The following ADGRB3 variants were observed in gnomAD, a reference collection of about 807,000 sequenced individuals.
The protein encoded by ADGRB3 is brain-specific angiogenesis inhibitor 3.
A neutral mutation model predicts 193.4 loss-of-function variants in ADGRB3; 37 were observed. The observed-to-expected ratio is 0.19, with a 90% CI of 0.15 to 0.25. ADGRB3 has a LOEUF of 0.25. Among genes scored for constraint, ADGRB3 ranks in the 10% least tolerant of loss-of-function variants. ADGRB3 has a pLI of 1.00. For missense variants in ADGRB3, 1,637 were observed against 1,852.9 expected (o/e 0.88, Z 2.14); for synonymous variants, 690 against 644.2 (o/e 1.07, Z -1.08).
intron 3 of ADGRB3, among the ~76,000 whole-genome samples, chr6:68,685,058 A>G (rs1764958855): frequency 6.6e-6 from 1 of 152,198 alleles, no homozygotes; most frequent in African/African-American, 2.4e-5. Context: ...TAAACATTGA[A>G]TATCTCTAAC....
At chr6:68,938,163 A>T (rs1359885604) in intron 5 of ADGRB3, among the ~76,000 whole-genome samples, 1 of 152,088 alleles carries the variant, frequency 6.6e-6, no homozygotes, top group African/African-American at 2.4e-5. Context: ...AACAAGAAAA[A>T]TCAGTGAGGC....
At chr6:69,177,169 G>A (rs1460337631) in intron 17 of ADGRB3, among the ~76,000 whole-genome samples, 4 of 151,790 alleles carry the variant, frequency 2.6e-5, no homozygotes, top group Non-Finnish European at 5.9e-5. Flanking sequence ...CTAGGTTTGG[G>A]GTTAGTTTTT....
intron 3 of ADGRB3, among the ~76,000 whole-genome samples, chr6:68,836,308 A>G (rs770819346): frequency 3.4e-4 from 52 of 151,874 alleles, no homozygotes; most frequent in Admixed American, 1.1e-3. Context: ...GTTACCTGAG[A>G]GATGCATTGG....
chr6:69,295,304 A>G (rs961630989), intron 20 of ADGRB3, among the ~76,000 whole-genome samples: 3 of 152,196 alleles, frequency 2.0e-5, no homozygotes, highest in Admixed American at 6.5e-5. Flanking sequence ...ACTGCCTTCA[A>G]TTGAAAAACC....
At position 69,339,446 on chromosome 6, in the gene ADGRB3, T is replaced by C. The variant is rs1157027419; in HGVS notation, c.3401T>C (p.Val1134Ala). The change falls in exon 26 of 32, where the codon GTG becomes GCG. Residue 1134 changes from valine to alanine, a missense_variant. Val to Ala is a moderately conservative substitution (Grantham distance 64, BLOSUM62 0). This residue lies in a region of ADGRB3 where 116 missense variants were observed against 168.1 expected (regional missense o/e 0.69). Coordinates refer to ENST00000370598, the MANE Select transcript of ADGRB3 (RefSeq NM_001704.3). Reference sequence around the variant, plus strand: ...ATATTGTTTCAAATACTTTTTGCTGTGTTTGATTCATTGCAAGGCTTTGTT... The same window carrying C: ...ATATTGTTTCAAATACTTTTTGCTGCGTTTGATTCATTGCAAGGCTTTGTT... Reference protein sequence around the residue: ...RSILFQILFAVFDSLQGFVIV... With the variant: ...RSILFQILFAAFDSLQGFVIV... 6.2e-7 allele frequency: 1 copy of C among 1,613,956 alleles called. No homozygotes were observed. The highest frequency in any genetic ancestry group is 8.5e-7 in the Non-Finnish European group (1 of 1,179,940).
intron 17 of ADGRB3, among the ~76,000 whole-genome samples, chr6:69,186,178 C>CA (rs70987457): frequency 0.069 from 7,460 of 107,374 alleles, 262 homozygotes; most frequent in East Asian, 0.15. Flanking sequence ...AATGAAATAG[C>CA]AAAAAAAAAA....
intron 10 of ADGRB3, among the ~76,000 whole-genome samples, chr6:68,984,146 G>T (rs1013574784): frequency 2.0e-5 from 3 of 152,116 alleles, no homozygotes; most frequent in Non-Finnish European, 4.4e-5. Flanking sequence ...CAATGGGAAT[G>T]CATTGAGAAG....
chr6:68,835,441 AT>A (rs573682054), intron 3 of ADGRB3, among the ~76,000 whole-genome samples: 107 of 152,230 alleles, frequency 7.0e-4, no homozygotes, highest in Admixed American at 2.0e-3. Flanking sequence ...AATTATGTGT[AT>A]TTTTTTCAAT....
intron 3 of ADGRB3, among the ~76,000 whole-genome samples, chr6:68,725,095 G>A (rs537251970): frequency 2.0e-5 from 3 of 151,802 alleles, no homozygotes; most frequent in Non-Finnish European, 4.4e-5. Flanking sequence ...GTATAGTCTA[G>A]GCGGAAGAGA....
chr6:69,237,250 C>A (rs1766284345), intron 19 of ADGRB3, among the ~76,000 whole-genome samples: 1 of 151,884 alleles, frequency 6.6e-6, no homozygotes, highest in Admixed American at 6.6e-5. Context: ...ACCTTTTATT[C>A]TCAGTAAAAA....
chr6:69,031,043 T>TC lies in ADGRB3; in HGVS notation c.2107+12545dup, dbSNP rs1562128849. ...TTTTTTTTCCTCTTCTCTTCTCTCT[T>TC]CTCTTCTCTTCTCTTCTCTTCTCTT... On this transcript the variant is annotated intron_variant, in intron 13 of 31. Transcript: ENST00000370598. Among the ~76,000 whole-genome samples, 7 of 7,552 alleles carry TC rather than the reference T, an allele frequency of 9.3e-4. 1 individual carries two copies. The highest frequency in any genetic ancestry group is 4.1e-3 in the Admixed American group (2 of 482). 5.0% of individuals were successfully genotyped at this position (7,552 alleles called of 152,430 possible).
At chr6:68,642,891 T>C (rs759260739) in intron 3 of ADGRB3, among the ~76,000 whole-genome samples, 17 of 152,152 alleles carry the variant, frequency 1.1e-4, no homozygotes, top group South Asian at 2.1e-4. Context: ...AACAAAGTCA[T>C]CTTTAATTGT....
At chr6:69,345,954 A>C (rs1769077220) in intron 26 of ADGRB3, among the ~76,000 whole-genome samples, 1 of 152,192 alleles carries the variant, frequency 6.6e-6, no homozygotes, top group Non-Finnish European at 1.5e-5. Flanking sequence ...ATTCCTATAC[A>C]CCAATAATAG....
chr6:69,234,268 C>A (rs769449491), intron 18 of ADGRB3, among the ~76,000 whole-genome samples: 1 of 152,204 alleles, frequency 6.6e-6, no homozygotes, highest in South Asian at 2.1e-4. Flanking sequence ...TAATTAACGT[C>A]ATGTAAGTGT....
intron 3 of ADGRB3, among the ~76,000 whole-genome samples, chr6:68,764,574 C>T (rs1224955773): frequency 6.6e-6 from 1 of 152,148 alleles, no homozygotes; most frequent in Non-Finnish European, 1.5e-5. Flanking sequence ...ACCACAAAAG[C>T]AGCACCAGTA....
intron 17 of ADGRB3, among the ~76,000 whole-genome samples, chr6:69,197,752 G>C (rs1180154095): frequency 2.6e-5 from 4 of 152,006 alleles, no homozygotes; most frequent in African/African-American, 9.7e-5. Context: ...CTTTACTGAG[G>C]TAAGTATAAT....
At chr6:68,890,795 A>G (rs535313815) in intron 3 of ADGRB3, among the ~76,000 whole-genome samples, 10 of 152,324 alleles carry the variant, frequency 6.6e-5, no homozygotes, top group African/African-American at 2.4e-4. Flanking sequence ...GACCTCATAG[A>G]ACATGTAGCA....
chr6:68,719,431 A>C (rs1442686849), intron 3 of ADGRB3, among the ~76,000 whole-genome samples: 1 of 151,826 alleles, frequency 6.6e-6, no homozygotes. Context: ...GACAATGTAG[A>C]TAGGGGCACA....
At chr6:68,847,137 A>G (rs940386304) in intron 3 of ADGRB3, among the ~76,000 whole-genome samples, 5 of 152,062 alleles carry the variant, frequency 3.3e-5, no homozygotes, top group African/African-American at 7.2e-5. Context: ...TATTTTGGCC[A>G]ATTTCTCCCA....
Sources: gnomAD v4.1 joint callset for allele counts (sites outside exome capture counted in the v4.1 genomes callset) on GRCh38, gnomAD v4.1.1 for gene constraint, gnomAD v4.1.1 regional missense constraint, MANE v1.5 for transcripts, NCBI Gene and HGNC (gene_info 2026-07-23, HGNC 2026-07-21) for gene names.